The following WASHC2C variants were observed in gnomAD, a reference collection of about 807,000 sequenced individuals.
WASHC2C encodes Vaccinia Penetration Factor.
In WASHC2C, 73 loss-of-function variants were observed where a neutral mutation model predicts 142.2. That is an observed-to-expected ratio of 0.51 (90% CI 0.43 to 0.62). The LOEUF is 0.62. WASHC2C is among the 20% of genes least tolerant of loss of function. The pLI is 0.00. For synonymous variants in WASHC2C, 337 were observed against 565.5 expected, an observed-to-expected ratio of 0.60 and a Z score of 5.73; for missense variants, 969 against 1,531.7, an observed-to-expected ratio of 0.63 and a Z score of 6.13.
At chr10:45,775,680 ATTTTTTTTTT>A (rs569006368) in intron 21 of WASHC2C, among the ~76,000 whole-genome samples, 2 of 132,978 alleles carry the variant, frequency 1.5e-5, no homozygotes, top group East Asian at 4.5e-4. Context: ...TTTGCATTGA[ATTTTTTTTTT>A]TTTTTTTTTT....
intron 21 of WASHC2C, among the ~76,000 whole-genome samples, chr10:45,776,509 T>TC (rs2057096705): frequency 7.1e-6 from 1 of 140,842 alleles, no homozygotes; most frequent in South Asian, 2.3e-4. Context: ...ACTGGGACTG[T>TC]CCATGAAAAT....
At chr10:45,784,180 G>A (rs1229188220) in intron 23 of WASHC2C, among the ~76,000 whole-genome samples, 1 of 147,184 alleles carries the variant, frequency 6.8e-6, no homozygotes, top group Non-Finnish European at 1.5e-5. Context: ...ACTATACGAA[G>A]TTTATATAAT....
At chr10:45,768,152 G>A (rs1288111844) in intron 19 of WASHC2C, among the ~76,000 whole-genome samples, 4 of 151,924 alleles carry the variant, frequency 2.6e-5, no homozygotes, top group South Asian at 2.1e-4. Flanking sequence ...ACTTGAACCC[G>A]GGAGGCAGAG....
At position 45,727,284 on chromosome 10, in the gene WASHC2C, G is replaced by C. The variant is rs1187243065; in HGVS notation, c.-34G>C. ...GCTCTGCGGTCCTCGGCCTGTGCTG[G>C]CAGCCTCGGAGCCCACCGAGCCGGG... On this transcript the variant is annotated 5_prime_UTR_variant, in exon 1 of 31. Transcript: ENST00000623400. 5 of 1,553,518 alleles carry C rather than the reference G, an allele frequency of 3.2e-6. No individual in the cohort carries two copies. The highest frequency in any genetic ancestry group is 4.3e-6 in the Non-Finnish European group (5 of 1,150,426).
chr10:45,785,882 G>A (rs1564825577), intron 26 of WASHC2C: 4 of 642,246 alleles, frequency 6.2e-6, no homozygotes, highest in Non-Finnish European at 9.8e-6. Context: ...ACTCTGAAGT[G>A]GAGTTAAGGT....
chr10:45,789,713 T>C (rs1204824165), intron 29 of WASHC2C, among the ~76,000 whole-genome samples: 1 of 152,046 alleles, frequency 6.6e-6, no homozygotes, highest in African/African-American at 2.4e-5. Context: ...GCCATGATCA[T>C]TGATACTGAT....
At chr10:45,771,109 G>A (rs59931169) in intron 20 of WASHC2C, among the ~76,000 whole-genome samples, 5,365 of 148,332 alleles carry the variant, frequency 0.036, 104 homozygotes, top group African/African-American at 0.06. Context: ...GCTCACGCCT[G>A]TAATCCCAGC....
chr10:45,761,009 C>T (rs1242431890), intron 17 of WASHC2C, among the ~76,000 whole-genome samples: 11 of 151,934 alleles, frequency 7.2e-5, no homozygotes, highest in African/African-American at 2.7e-4. Flanking sequence ...ACGAGATGTT[C>T]TGGTTATTTG....
At chr10:45,784,285 T>TACAC (rs1169022901) in intron 23 of WASHC2C, among the ~76,000 whole-genome samples, 476 of 7,466 alleles carry the variant, frequency 0.064, 6 homozygotes, top group East Asian at 0.31. Flanking sequence ...TATATATATA[T>TACAC]ATATACACAT....
intron 5 of WASHC2C, among the ~76,000 whole-genome samples, chr10:45,742,285 C>G (rs2134311490): frequency 6.6e-6 from 1 of 152,340 alleles, no homozygotes; most frequent in South Asian, 2.1e-4. Context: ...TATTGTTCTT[C>G]TGTTTATTGA....
intron 8 of WASHC2C, among the ~76,000 whole-genome samples, chr10:45,749,836 A>AATATATATAT (rs1554873239): frequency 9.8e-6 from 1 of 101,780 alleles, no homozygotes; most frequent in Non-Finnish European, 1.8e-5. Context: ...AAAAAAAAAA[A>AATATATATAT]ATATATATAT....
At chr10:45,766,169 T>G (rs1426885330) in intron 19 of WASHC2C, among the ~76,000 whole-genome samples, 1 of 151,996 alleles carries the variant, frequency 6.6e-6, no homozygotes, top group African/African-American at 2.4e-5. Context: ...GTAAGATAAG[T>G]TTTACCAGAC....
Position 45,788,747 on chromosome 10 carries a change from A to G in WASHC2C, c.3088-124A>G, listed in dbSNP as rs1476412492. On this transcript the variant is annotated intron_variant, in intron 28 of 30. Transcript: ENST00000623400. ...GAAATAACCTCTTCTATGTTCTTAGATAATATCTTCATTGAAGTAGACCAG... is the reference window on the plus strand; with the variant it reads ...GAAATAACCTCTTCTATGTTCTTAGGTAATATCTTCATTGAAGTAGACCAG... 18 of 1,487,094 alleles carry G rather than the reference A, an allele frequency of 1.2e-5. No individual in the cohort carries two copies. The Admixed American group carries it at 2.0e-4, about 17-fold the overall frequency. The allele number at this position is 1,487,094 out of a possible 1,614,324, so 92.1% of individuals were successfully genotyped here. A position where few individuals can be genotyped will look rare whatever the true frequency, so the allele number is the denominator to read the frequency against.
At chr10:45,768,564 A>G (rs1554883394) in intron 19 of WASHC2C, among the ~76,000 whole-genome samples, 1 of 152,198 alleles carries the variant, frequency 6.6e-6, no homozygotes, top group East Asian at 1.9e-4. Flanking sequence ...TAGAGCACTT[A>G]TGCAAGTGCT....
At chr10:45,733,283 T>C (rs552909792) in intron 3 of WASHC2C, among the ~76,000 whole-genome samples, 1 of 152,382 alleles carries the variant, frequency 6.6e-6, no homozygotes, top group East Asian at 1.9e-4. Flanking sequence ...ACAACAAATA[T>C]ATTTGAGGGG....
chr10:45,792,179 T>C, intron 30 of WASHC2C, 82 bp from the exon 31 acceptor site: 1 of 1,471,080 alleles, frequency 6.8e-7, no homozygotes, highest in Non-Finnish European at 9.4e-7. Flanking sequence ...GAGCTGGGTC[T>C]TTGGTGGTTT....
intron 5 of WASHC2C, among the ~76,000 whole-genome samples, chr10:45,742,591 C>T (rs1554868701): frequency 6.6e-6 from 1 of 152,264 alleles, no homozygotes; most frequent in African/African-American, 2.4e-5. Flanking sequence ...GCTGGGATTA[C>T]AGGCATGAGC....
In WASHC2C at chr10:45,752,266, G is replaced by A. The variant is rs556074607; in HGVS notation, c.1004-322G>A. On this transcript the variant is annotated intron_variant, in intron 11 of 30. Transcript: ENST00000623400. ...TGCCCTTCCTTCCCCCAGATTGGTT[G>A]GGGAATGGGTCTTGAATGTGGCGTC... 1.7e-4 allele frequency among the ~76,000 whole-genome samples: 26 copies of A among 152,396 alleles called. No individual in the cohort carries two copies. The East Asian group carries it at 3.5e-3, about 20-fold the overall frequency.
rs1278933401 is a variant in WASHC2C, at chr10:45,764,362, A to G, written c.1737+873A>G. On this transcript the variant is annotated intron_variant, in intron 18 of 30. Transcript: ENST00000623400. ...GCAAATGTCCAAAAAAATTTTCAAC[A>G]TATTACTGAGAAAACATTTGTGTAG... Among the ~76,000 whole-genome samples the G allele has an allele frequency of 4.0e-5, 6 of 151,652 alleles. 1 individual carries two copies. The South Asian group carries it at 8.3e-4, about 21-fold the overall frequency.
Sources: gnomAD v4.1 joint callset for allele counts (sites outside exome capture counted in the v4.1 genomes callset) on GRCh38, gnomAD v4.1.1 for gene constraint, MANE v1.5 for transcripts, NCBI Gene and HGNC (gene_info 2026-07-23, HGNC 2026-07-21) for gene names.